Variants in PTPRO observed in about 807,000 individuals in gnomAD.
The protein encoded by PTPRO is receptor-type tyrosine-protein phosphatase O.
In PTPRO, 62 loss-of-function variants were observed where a neutral mutation model predicts 145.2. The observed-to-expected ratio is 0.43, with a 90% confidence interval of 0.35 to 0.53. PTPRO has a LOEUF of 0.53. PTPRO is among the 20% of genes least tolerant of loss of function. The pLI, the probability that PTPRO is intolerant of heterozygous loss-of-function variation, is 0.01. For missense variants in PTPRO, 1,345 were observed against 1,482.7 expected, an observed-to-expected ratio of 0.91 and a Z score of 1.53; for synonymous variants, 565 against 514.7, an observed-to-expected ratio of 1.10 and a Z score of -1.32.
intron 4 of PTPRO, among the ~76,000 whole-genome samples, chr12:15,500,525 A>G (rs1257910143): frequency 6.6e-6 from 1 of 152,254 alleles, no homozygotes; most frequent in Non-Finnish European, 1.5e-5. Flanking sequence ...ATTGGTACTC[A>G]TAATACACGA....
chr12:15,489,543 C>T (rs1941957858), intron 2 of PTPRO, among the ~76,000 whole-genome samples: 2 of 152,188 alleles, frequency 1.3e-5, no homozygotes, highest in Admixed American at 1.3e-4. Flanking sequence ...CATTTGTAAA[C>T]TGTCATGGCA....
chr12:15,405,517 T>C (rs1159614983), intron 1 of PTPRO, among the ~76,000 whole-genome samples: 1 of 152,188 alleles, frequency 6.6e-6, no homozygotes, highest in East Asian at 1.9e-4. Flanking sequence ...TGCCTTTGGT[T>C]AATACAAATG....
chr12:15,524,666 T>C (rs1942800335), intron 10 of PTPRO, 148 bp from the exon 11 acceptor site: 2 of 798,914 alleles, frequency 2.5e-6, no homozygotes, highest in African/African-American at 3.4e-5. Context: ...CCTTCACTGT[T>C]ATTGAGAGGT....
intron 17 of PTPRO, among the ~76,000 whole-genome samples, chr12:15,562,485 C>CAAGAA: frequency 6.6e-6 from 1 of 152,246 alleles, no homozygotes; most frequent in South Asian, 2.1e-4. Context: ...ATATATGTTC[C>CAAGAA]TGTTGATTTT....
intron 1 of PTPRO, among the ~76,000 whole-genome samples, chr12:15,364,098 A>C (rs1425854481): frequency 3.3e-5 from 5 of 152,216 alleles, no homozygotes; most frequent in Non-Finnish European, 7.3e-5. Context: ...TGTGTAATAG[A>C]GAAAGAAAAT....
chr12:15,484,835 A>G (rs923184122), intron 2 of PTPRO, among the ~76,000 whole-genome samples: 2 of 152,174 alleles, frequency 1.3e-5, no homozygotes, highest in Non-Finnish European at 2.9e-5. Flanking sequence ...TAAGGCTGAC[A>G]TTGGGAAATT....
intron 1 of PTPRO, among the ~76,000 whole-genome samples, chr12:15,358,348 C>T (rs937970343): frequency 1.5e-4 from 23 of 151,848 alleles, no homozygotes; most frequent in East Asian, 5.8e-4. Flanking sequence ...CTAACCTGCA[C>T]ATTGTGCACA....
rs949199663 is a variant in PTPRO, at chr12:15,383,967, A to G, written c.75+61166A>G. ...TTGATTTCCTTCAGAGTCTGCTGTC[A>G]TGTGATGCTATGCCAAAGTCAGGGT... On this transcript the variant is annotated intron_variant, in intron 1 of 26. Transcript: ENST00000281171. Among the ~76,000 whole-genome samples the G allele has an allele frequency of 2.6e-5, 4 of 152,186 alleles. No individual in the cohort carries two copies. In the East Asian group the frequency reaches 7.7e-4, roughly 29 times the overall value.
At position 15,333,658 on chromosome 12, in the gene PTPRO, A is replaced by T. The variant is rs1260358984; in HGVS notation, c.75+10857A>T. Reference sequence around the variant, plus strand: ...AGGGAGGGTCTATCAGGCAGGCGCCACTGAGTCGGGCTGGGGAGGCAGTGG... The same window carrying T: ...AGGGAGGGTCTATCAGGCAGGCGCCTCTGAGTCGGGCTGGGGAGGCAGTGG... On this transcript the variant is annotated intron_variant, in intron 1 of 26. Coordinates refer to ENST00000281171, the MANE Select transcript of PTPRO (RefSeq NM_030667.3). Among the ~76,000 whole-genome samples, 9 of 152,302 alleles carry T rather than the reference A, an allele frequency of 5.9e-5. No individual in the cohort carries two copies. In the East Asian group the frequency reaches 1.7e-3, roughly 29 times the overall value.
intron 1 of PTPRO, among the ~76,000 whole-genome samples, chr12:15,421,737 A>C (rs1047087492): frequency 3.9e-5 from 6 of 152,152 alleles, no homozygotes; most frequent in Admixed American, 1.3e-4. Flanking sequence ...TTATTAAAGG[A>C]ACCTTATTTT....
chr12:15,472,633 G>A (rs1007421491), intron 1 of PTPRO, among the ~76,000 whole-genome samples: 1 of 152,178 alleles, frequency 6.6e-6, no homozygotes, highest in Non-Finnish European at 1.5e-5. Flanking sequence ...AGAATTGAGG[G>A]CTTTCTTGTC....
At chr12:15,326,380 T>G (rs1294916575) in intron 1 of PTPRO, among the ~76,000 whole-genome samples, 1 of 152,232 alleles carries the variant, frequency 6.6e-6, no homozygotes, top group Non-Finnish European at 1.5e-5. Context: ...TGGGCCATGC[T>G]TCTACAGATG....
Position 15,482,042 on chromosome 12 carries a change from G to A in PTPRO, c.76-1932G>A, listed in dbSNP as rs207472677. On this transcript the variant is annotated intron_variant, in intron 1 of 26. Coordinates refer to ENST00000281171, the MANE Select transcript of PTPRO (RefSeq NM_030667.3). ...AAGGAAAGGAAATCAGTATGTTGAC[G>A]ATTTCTCTGCACTCCCATGTCTATT... Among the ~76,000 whole-genome samples the A allele has an allele frequency of 9.2e-5, 14 of 152,080 alleles. No individual in the cohort carries two copies. The South Asian group carries it at 2.7e-3, about 29-fold the overall frequency.
At chr12:15,557,625 C>G in intron 16 of PTPRO, 102 bp downstream of exon 16, 1 of 1,068,524 alleles carries the variant, frequency 9.4e-7, no homozygotes. Flanking sequence ...TCTGATTATC[C>G]TTTTGTAATT....
intron 4 of PTPRO, 46 bp downstream of exon 4, chr12:15,499,640 A>G: frequency 6.4e-7 from 1 of 1,572,812 alleles, no homozygotes; most frequent in East Asian, 2.2e-5. Context: ...TAATTCAGTT[A>G]TATTTTGCTG....
At chr12:15,418,935 T>C (rs528746893) in intron 1 of PTPRO, among the ~76,000 whole-genome samples, 5 of 151,832 alleles carry the variant, frequency 3.3e-5, no homozygotes, top group Non-Finnish European at 7.4e-5. Context: ...TAAATAAAAG[T>C]AGAAAAATTG....
chr12:15,358,367 A>G lies in PTPRO; in HGVS notation c.75+35566A>G, dbSNP rs917981296. On this transcript the variant is annotated intron_variant, in intron 1 of 26. Transcript: ENST00000281171. ...CCTGCACATTGTGCACATGTACCCT[A>G]AAACTTAAAGTATGATAATAATAAT... 1.9e-4 allele frequency among the ~76,000 whole-genome samples: 29 copies of G among 152,132 alleles called. 1 individual carries two copies. Among genetic ancestry groups the G allele is most frequent in the South Asian group, 8.3e-4 (4 of 4,802 alleles).
intron 1 of PTPRO, among the ~76,000 whole-genome samples, chr12:15,360,844 GTA>G (rs1351600686): frequency 9.3e-6 from 1 of 107,530 alleles, no homozygotes; most frequent in East Asian, 2.4e-4. Context: ...ATATACGTGT[GTA>G]TATATGTGTG....
At chr12:15,410,151 G>A (rs1939759437) in intron 1 of PTPRO, 2 of 152,174 alleles carry the variant, frequency 1.3e-5, no homozygotes, top group African/African-American at 2.4e-5. Context: ...AAAAATGTTT[G>A]CATGAAATGA....
Sources: gnomAD v4.1 joint callset for allele counts (sites outside exome capture counted in the v4.1 genomes callset) on GRCh38, gnomAD v4.1.1 for gene constraint, MANE v1.5 for transcripts, NCBI Gene and HGNC (gene_info 2026-07-23, HGNC 2026-07-21) for gene names.